The following PPEF2 variants were observed in gnomAD, a reference collection of about 807,000 sequenced individuals.
PPEF2 encodes the protein protein phosphatase with EF-hand domain 2, also known as serine/threonine-protein phosphatase with EF-hands 2.
PPEF2 carries 84 observed loss-of-function variants against 84.7 expected under a neutral mutation model. The observed-to-expected ratio is 0.99, with a 90% CI of 0.83 to 1.19. PPEF2 has a LOEUF of 1.19. PPEF2 is among the 50% of genes most tolerant of loss of function. The probability of loss-of-function intolerance (pLI) is 0.00; values close to 1 mark genes in which losing one functional copy is unlikely to be tolerated. For missense variants in PPEF2, 924 were observed against 937.5 expected, an observed-to-expected ratio of 0.99 and a Z score of 0.19; for synonymous variants, 346 against 345.2, an observed-to-expected ratio of 1.00 and a Z score of -0.03.
At position 75,864,606 on chromosome 4, in the gene PPEF2, T is replaced by A. The variant is rs1318105331; in HGVS notation, c.1921-79A>T. On this transcript the variant is annotated intron_variant, in intron 15 of 16. Transcript: ENST00000286719. ...TATATAATTAACACACAATCAACCCTGACAATCACACATTCTTGAAAAAAC... is the reference window on the plus strand; with the variant it reads ...TATATAATTAACACACAATCAACCCAGACAATCACACATTCTTGAAAAAAC... The A allele has an allele frequency of 2.7e-6, 3 of 1,112,782 alleles. No individual in the cohort carries two copies. In the East Asian group the frequency reaches 7.1e-5, roughly 26 times the overall value. 68.9% of individuals were successfully genotyped at this position (1,112,782 alleles called of 1,614,324 possible).
intron 14 of PPEF2, 154 bp from the exon 15 acceptor site, chr4:75,866,506 G>T: frequency 1.0e-6 from 1 of 957,450 alleles, no homozygotes; most frequent in Non-Finnish European, 1.6e-6. Context: ...AGCAGAGTTG[G>T]CTGGAAGCTA....
chr4:75,891,833 TC>T lies in PPEF2; in HGVS notation c.183+17del. On this transcript the variant is annotated intron_variant, in intron 3 of 16. Transcript: ENST00000286719. ...CAAGGGAGAGCAGGAGGCGGCTCCGTCCCACATCTCATTGTACCTTGACTTG... is the reference window on the plus strand; with the variant it reads ...CAAGGGAGAGCAGGAGGCGGCTCCGTCCACATCTCATTGTACCTTGACTTG... 6.2e-7 allele frequency: 1 copy of T among 1,604,804 alleles called. No individual in the cohort carries two copies.
At chr4:75,864,227 C>T (rs562488338) in intron 16 of PPEF2, among the ~76,000 whole-genome samples, 1 of 152,290 alleles carries the variant, frequency 6.6e-6, no homozygotes, top group Non-Finnish European at 1.5e-5. Context: ...TTCAGTTTGT[C>T]TTCATTCTTC....
chr4:75,897,010 C>T (rs1205403245), intron 1 of PPEF2, among the ~76,000 whole-genome samples: 5 of 152,112 alleles, frequency 3.3e-5, no homozygotes, highest in East Asian at 3.9e-4. Context: ...CTCAGCCTCC[C>T]GGTTAATTTT....
intron 5 of PPEF2, 104 bp from the exon 6 acceptor site, chr4:75,888,432 A>C: frequency 2.6e-6 from 2 of 761,860 alleles, no homozygotes; most frequent in Non-Finnish European, 4.5e-6. Context: ...CTAAGACCCC[A>C]AAAGTAACCC....
intron 10 of PPEF2, among the ~76,000 whole-genome samples, chr4:75,880,485 C>T (rs894519162): frequency 3.9e-5 from 6 of 152,196 alleles, no homozygotes; most frequent in Admixed American, 6.5e-5. Context: ...TAGTTTTTTG[C>T]TAAGCCACAG....
At chr4:75,883,485 C>T (rs1724632081) in intron 8 of PPEF2, 2 of 393,538 alleles carry the variant, frequency 5.1e-6, no homozygotes, top group South Asian at 8.9e-5. Flanking sequence ...AAAACAAATT[C>T]AATGGTTTCA....
intron 1 of PPEF2, among the ~76,000 whole-genome samples, chr4:75,897,785 A>G (rs1725041095): frequency 6.6e-6 from 1 of 152,112 alleles, no homozygotes; most frequent in East Asian, 1.9e-4. Flanking sequence ...TAAAACAACA[A>G]CAACAACAAC....
At chr4:75,888,073 A>G in intron 6 of PPEF2, 141 bp downstream of exon 6, 2 of 642,634 alleles carry the variant, frequency 3.1e-6, no homozygotes, top group Admixed American at 2.4e-5. Flanking sequence ...TGGAGTGAAT[A>G]TGCAAATTGT....
At chr4:75,865,156 C>T (rs1431104209) in intron 15 of PPEF2, among the ~76,000 whole-genome samples, 1 of 152,096 alleles carries the variant, frequency 6.6e-6, no homozygotes. Context: ...AGGCTAGTCT[C>T]GAACTTCCGA....
chr4:75,883,994 G>A (rs747611728), intron 8 of PPEF2, among the ~76,000 whole-genome samples: 8 of 151,934 alleles, frequency 5.3e-5, no homozygotes, highest in East Asian at 1.9e-4. Context: ...TTAGCCGGGC[G>A]TGGTGGCAGG....
chr4:75,900,261 T>A (rs1315646647), intron 1 of PPEF2, among the ~76,000 whole-genome samples: 2 of 152,192 alleles, frequency 1.3e-5, no homozygotes, highest in African/African-American at 4.8e-5. Flanking sequence ...CATGAATTTA[T>A]AAATTCAAAA....
chr4:75,901,244 C>G (rs895779067), intron 1 of PPEF2, among the ~76,000 whole-genome samples: 1 of 151,994 alleles, frequency 6.6e-6, no homozygotes, highest in African/African-American at 2.4e-5. Flanking sequence ...GGCTGGGTGC[C>G]GTGGCTCATG....
intron 10 of PPEF2, 98 bp downstream of exon 10, chr4:75,882,828 C>A (rs1202577135): frequency 7.4e-7 from 1 of 1,344,842 alleles, no homozygotes; most frequent in Non-Finnish European, 1.0e-6. Flanking sequence ...TCTTAACAGC[C>A]ATAATCAGTT....
chr4:75,873,205 T>C lies in PPEF2; in HGVS notation c.1428A>G (p.Leu476=), dbSNP rs1440302136. ...TCAGGAATTGCATGTTGTATTTTTG[T>C]AGCAACTGTTGTGTCACATCAGGCC... ...YFGPDVTQQL[L]QKYNMQFLIR... The change falls in exon 12 of 17, where the codon CTA becomes CTG. Residue 476 remains leucine, a synonymous_variant. Transcript: ENST00000286719. 3.7e-6 allele frequency: 6 copies of C among 1,614,084 alleles called. No individual in the cohort carries two copies. The highest frequency in any genetic ancestry group is 5.1e-6 in the Non-Finnish European group (6 of 1,179,918).
chr4:75,877,609 C>T (rs1014051315), intron 10 of PPEF2, among the ~76,000 whole-genome samples: 6 of 151,844 alleles, frequency 4.0e-5, no homozygotes, highest in Admixed American at 1.3e-4. Context: ...AGCAATATGA[C>T]ATTGTCATGA....
At chr4:75,896,852 A>T (rs1310476517) in intron 1 of PPEF2, among the ~76,000 whole-genome samples, 1 of 135,940 alleles carries the variant, frequency 7.4e-6, no homozygotes, top group African/African-American at 2.6e-5. Flanking sequence ...CAGCAAGGCC[A>T]TCTGTCTCCA....
chr4:75,899,806 A>C (rs986802855), intron 1 of PPEF2, among the ~76,000 whole-genome samples: 3 of 151,856 alleles, frequency 2.0e-5, no homozygotes, highest in Non-Finnish European at 4.4e-5. Context: ...AAATATTTGC[A>C]CAGTTTTAGA....
intron 16 of PPEF2, among the ~76,000 whole-genome samples, chr4:75,862,331 C>A: frequency 6.7e-6 from 1 of 148,242 alleles, no homozygotes. Flanking sequence ...AACTTTCGGG[C>A]ATCAAAGGAC....
Sources: allele counts gnomAD v4.1 joint callset (sites outside exome capture counted in the v4.1 genomes callset), GRCh38; gene constraint gnomAD v4.1.1; transcripts MANE v1.5; gene names NCBI Gene and HGNC (gene_info 2026-07-23, HGNC 2026-07-21).